The following DGKB variants were observed in gnomAD, a reference collection of about 807,000 sequenced individuals.
The protein encoded by DGKB is 90 kDa diacylglycerol kinase.
Under a neutral mutation model 114.3 loss-of-function variants are expected in DGKB, and 67 were observed. That is an observed-to-expected ratio of 0.59 (90% confidence interval 0.48 to 0.72). The LOEUF is 0.72. Among genes scored for constraint, DGKB ranks in the 30% least tolerant of loss-of-function variants. The probability of loss-of-function intolerance (pLI) is 0.00; values close to 1 mark genes in which losing one functional copy is unlikely to be tolerated. For missense variants in DGKB, 907 were observed against 975.2 expected (o/e 0.93, Z 0.93); for synonymous variants, 398 against 323.1 (o/e 1.23, Z -2.49).
At position 14,555,836 on chromosome 7, in the gene DGKB, G is replaced by T. The variant is rs545399440; in HGVS notation, c.1770+18376C>A. ...GCCAGCACCATTACAGTTGACAAAT[G>T]CCATGGCAACATCAGGAAGTTACTT... On this transcript the variant is annotated intron_variant, in intron 20 of 25. Coordinates refer to ENST00000402815, the MANE Select transcript of DGKB (RefSeq NM_001350709.2). Among the ~76,000 whole-genome samples, 102 of 152,266 alleles carry T rather than the reference G, an allele frequency of 6.7e-4. No individual in the cohort carries two copies. The Middle Eastern group carries it at 0.017, about 26-fold the overall frequency.
intron 21 of DGKB, among the ~76,000 whole-genome samples, chr7:14,464,914 C>T (rs986672769): frequency 1.3e-5 from 2 of 152,174 alleles, no homozygotes; most frequent in African/African-American, 2.4e-5. Flanking sequence ...CACCACCATG[C>T]CCCTGCCAGA....
intron 23 of DGKB, among the ~76,000 whole-genome samples, chr7:14,240,671 T>C (rs532202653): frequency 6.6e-6 from 1 of 152,210 alleles, no homozygotes; most frequent in Admixed American, 6.6e-5. Context: ...AAACTTAGTT[T>C]CTGCCATGTG....
At chr7:14,259,405 CTCTA>C (rs1449594402) in intron 23 of DGKB, among the ~76,000 whole-genome samples, 1,889 of 94,930 alleles carry the variant, frequency 0.02, 12 homozygotes, top group Admixed American at 0.026. Flanking sequence ...CTCTCTCTCT[CTCTA>C]TATATATATA....
chr7:14,500,824 T>C (rs1457993018), intron 20 of DGKB, among the ~76,000 whole-genome samples: 1 of 151,830 alleles, frequency 6.6e-6, no homozygotes, highest in Admixed American at 6.6e-5. Context: ...ACAACTGTTG[T>C]ATAGCGGTGA....
chr7:14,304,146 T>C (rs532633942), intron 23 of DGKB, among the ~76,000 whole-genome samples: 57 of 149,178 alleles, frequency 3.8e-4, no homozygotes, highest in East Asian at 1.0e-3. Context: ...TTCTCAAAAA[T>C]AACAAATCAA....
At chr7:14,401,328 T>C (rs899460852) in intron 21 of DGKB, among the ~76,000 whole-genome samples, 1 of 151,884 alleles carries the variant, frequency 6.6e-6, no homozygotes, top group Non-Finnish European at 1.5e-5. Context: ...TTATCTACCA[T>C]CTCATAAGCC....
chr7:14,541,252 A>G (rs1361529188), intron 20 of DGKB, among the ~76,000 whole-genome samples: 1 of 152,222 alleles, frequency 6.6e-6, no homozygotes, highest in Non-Finnish European at 1.5e-5. Context: ...CTACACTAAT[A>G]AAAATGAAAA....
chr7:14,358,894 G>A (rs1815135593), intron 21 of DGKB, among the ~76,000 whole-genome samples: 1 of 152,106 alleles, frequency 6.6e-6, no homozygotes, highest in Admixed American at 6.6e-5. Context: ...TAGATTCAAT[G>A]CCATCCCCAT....
At chr7:14,932,373 TGTTTTGGTTCTTTTAAGTA>T (rs1477223781) in intron 1 of DGKB, among the ~76,000 whole-genome samples, 1 of 152,214 alleles carries the variant, frequency 6.6e-6, no homozygotes, top group Non-Finnish European at 1.5e-5. Flanking sequence ...GACCACACAC[TGTTTTGGTTCTTTTAAGTA>T]GATGAAGCAT....
intron 23 of DGKB, among the ~76,000 whole-genome samples, chr7:14,220,834 TTTAA>T (rs1268120081): frequency 1.3e-5 from 2 of 150,268 alleles, no homozygotes; most frequent in African/African-American, 5.0e-5. Flanking sequence ...TTTTCTTTCT[TTTAA>T]TTTTTTAAAA....
intron 1 of DGKB, among the ~76,000 whole-genome samples, chr7:14,926,749 A>C (rs1784773352): frequency 6.6e-6 from 1 of 151,986 alleles, no homozygotes; most frequent in Non-Finnish European, 1.5e-5. Context: ...TATCTCTGAA[A>C]GTGAATCTGG....
At chr7:14,464,189 G>A (rs1226618383) in intron 21 of DGKB, among the ~76,000 whole-genome samples, 1 of 152,044 alleles carries the variant, frequency 6.6e-6, no homozygotes, top group African/African-American at 2.4e-5. Flanking sequence ...ACAGGCTAAA[G>A]CATCCAGGTT....
intron 6 of DGKB, among the ~76,000 whole-genome samples, chr7:14,708,726 A>G (rs1826765394): frequency 2.0e-5 from 3 of 151,314 alleles, no homozygotes; most frequent in Admixed American, 6.6e-5. Context: ...AGGATTCCCT[A>G]TTTAATAAAT....
chr7:14,250,669 G>A (rs1795099960), intron 23 of DGKB, among the ~76,000 whole-genome samples: 1 of 152,126 alleles, frequency 6.6e-6, no homozygotes, highest in African/African-American at 2.4e-5. Context: ...TTGGTCAGTA[G>A]TGTTGTAGAA....
intron 21 of DGKB, among the ~76,000 whole-genome samples, chr7:14,361,959 C>T (rs1460245399): frequency 6.6e-6 from 1 of 151,950 alleles, no homozygotes; most frequent in African/African-American, 2.4e-5. Flanking sequence ...AAGTGAGACT[C>T]TTGTCCAGAG....
intron 17 of DGKB, among the ~76,000 whole-genome samples, chr7:14,598,519 G>C (rs969684137): frequency 2.0e-5 from 3 of 152,110 alleles, no homozygotes; most frequent in African/African-American, 7.2e-5. Flanking sequence ...ACTGATTTCT[G>C]CATAGTCAAT....
At chr7:14,293,283 T>C (rs1317826890) in intron 23 of DGKB, among the ~76,000 whole-genome samples, 1 of 152,172 alleles carries the variant, frequency 6.6e-6, no homozygotes, top group African/African-American at 2.4e-5. Flanking sequence ...TTTACCTGAA[T>C]TTGCAGGTGC....
chr7:14,531,622 G>A (rs1791596735), intron 20 of DGKB, among the ~76,000 whole-genome samples: 1 of 150,196 alleles, frequency 6.7e-6, no homozygotes, highest in Non-Finnish European at 1.5e-5. Context: ...TAGTAATTGT[G>A]AAAAATAAAT....
chr7:14,581,139 T>G (rs934081708), intron 18 of DGKB, among the ~76,000 whole-genome samples, 188 bp from the exon 19 acceptor site: 3 of 152,206 alleles, frequency 2.0e-5, no homozygotes, highest in Non-Finnish European at 4.4e-5. Context: ...TAGCAATTGA[T>G]AAGACACAAA....
Sources: allele counts gnomAD v4.1 joint callset (sites outside exome capture counted in the v4.1 genomes callset), GRCh38; gene constraint gnomAD v4.1.1; transcripts MANE v1.5; gene names NCBI Gene and HGNC (gene_info 2026-07-23, HGNC 2026-07-21).